Variants in RIGI observed in about 807,000 individuals in gnomAD.
The protein encoded by RIGI is RNA sensor RIG-I, also known as antiviral innate immune response receptor RIG-I.
chr9:32,491,426 T>C, the RIGI span: 1 of 1,594,022 alleles, frequency 6.3e-7, no homozygotes. Context: ...TATACCTTTT[T>C]AAGACCAAAA....
chr9:32,471,483 A>T, the RIGI span, among the ~76,000 whole-genome samples: 1 of 152,204 alleles, frequency 6.6e-6, no homozygotes, highest in Admixed American at 6.5e-5. Flanking sequence ...ATAATGATTA[A>T]AAGGTCCATT....
chr9:32,521,253 T>A, the RIGI span, among the ~76,000 whole-genome samples: 1 of 150,804 alleles, frequency 6.6e-6, no homozygotes, highest in Non-Finnish European at 1.5e-5. Context: ...AAATATACCA[T>A]ACAAAGGTAA....
At chr9:32,458,094 T>G in the RIGI span, among the ~76,000 whole-genome samples, 27 of 152,256 alleles carry the variant, frequency 1.8e-4, no homozygotes, top group Admixed American at 6.5e-4. Context: ...GATGAGAGAT[T>G]TCTGCTTTCT....
At chr9:32,491,390 T>C in the RIGI span, 1 of 1,611,472 alleles carries the variant, frequency 6.2e-7, no homozygotes, top group East Asian at 2.2e-5. Flanking sequence ...CATCTTATCC[T>C]CAAGATCTTC....
At chr9:32,521,464 A>G in the RIGI span, among the ~76,000 whole-genome samples, 1 of 152,168 alleles carries the variant, frequency 6.6e-6, no homozygotes, top group Non-Finnish European at 1.5e-5. Context: ...CTTTTTGGCT[A>G]AATGAATAAC....
the RIGI span, among the ~76,000 whole-genome samples, chr9:32,520,665 T>G: frequency 6.6e-6 from 1 of 152,324 alleles, no homozygotes; most frequent in East Asian, 1.9e-4. Flanking sequence ...TAAAATTAGT[T>G]CAGGGTTTTT....
chr9:32,477,067 G>A, the RIGI span: 3 of 1,614,082 alleles, frequency 1.9e-6, no homozygotes, highest in Non-Finnish European at 2.5e-6. Context: ...TGAAGCAGAG[G>A]TCTTCAAGTT....
the RIGI span, chr9:32,488,903 G>A: frequency 6.3e-7 from 1 of 1,577,636 alleles, no homozygotes; most frequent in African/African-American, 1.4e-5. Flanking sequence ...AACATGTAAG[G>A]AAAAAAGAAA....
the RIGI span, among the ~76,000 whole-genome samples, chr9:32,503,713 C>A: frequency 6.6e-6 from 1 of 152,124 alleles, no homozygotes; most frequent in Non-Finnish European, 1.5e-5. Flanking sequence ...GGTGCCCCTC[C>A]AGAATCATGG....
chr9:32,467,970 A>C, the RIGI span: 7 of 1,509,884 alleles, frequency 4.6e-6, no homozygotes, highest in African/African-American at 2.8e-5. Flanking sequence ...AACTCACCAA[A>C]GAGGGAACTT....
At chr9:32,481,589 T>TC in the RIGI span, 2 of 464,900 alleles carry the variant, frequency 4.3e-6, no homozygotes, top group East Asian at 6.4e-5. Context: ...TTTCTTTTTC[T>TC]TTTTTTTTTT....
At chr9:32,511,612 G>A in the RIGI span, among the ~76,000 whole-genome samples, 2 of 151,694 alleles carry the variant, frequency 1.3e-5, no homozygotes, top group East Asian at 3.9e-4. Flanking sequence ...AGCACTAAAT[G>A]CCCACAGGAG....
the RIGI span, among the ~76,000 whole-genome samples, chr9:32,476,462 A>G: frequency 0.029 from 4,440 of 152,114 alleles, 239 homozygotes; most frequent in African/African-American, 0.1. Flanking sequence ...CCATGACTGC[A>G]CCACTGCATT....
At chr9:32,522,259 C>T in the RIGI span, among the ~76,000 whole-genome samples, 1 of 152,122 alleles carries the variant, frequency 6.6e-6, no homozygotes, top group African/African-American at 2.4e-5. Context: ...TTAAGCTCTT[C>T]ATAACCTTTA....
chr9:32,459,258 C>CATG, the RIGI span: 1 of 1,249,318 alleles, frequency 8.0e-7, no homozygotes, highest in East Asian at 2.4e-5. Flanking sequence ...ATACACAGAT[C>CATG]ATGGCCACAG....
chr9:32,515,173 G>A, the RIGI span, among the ~76,000 whole-genome samples: 15 of 152,016 alleles, frequency 9.9e-5, no homozygotes, highest in African/African-American at 2.4e-4. Context: ...AGGCCAAGGC[G>A]TGCGGACCAC....
At chr9:32,510,835 G>A in the RIGI span, among the ~76,000 whole-genome samples, 1 of 151,906 alleles carries the variant, frequency 6.6e-6, no homozygotes, top group Non-Finnish European at 1.5e-5. Flanking sequence ...GCTGTATTCA[G>A]GAGACCCATC....
the RIGI span, among the ~76,000 whole-genome samples, chr9:32,500,022 C>T: frequency 6.6e-6 from 1 of 152,334 alleles, no homozygotes; most frequent in East Asian, 1.9e-4. Flanking sequence ...TCTAATATAT[C>T]AGGTTTCCAT....
At chr9:32,521,161 A>AAAAAAAAAAAAAAAAAAAAAC in the RIGI span, among the ~76,000 whole-genome samples, 1 of 150,634 alleles carries the variant, frequency 6.6e-6, no homozygotes, top group African/African-American at 2.4e-5. Context: ...AAAAAAAAAA[A>AAAAAAAAAAAAAAAAAAAAAC]ACTTCACAGA....
Sources: allele counts gnomAD v4.1 joint callset (sites outside exome capture counted in the v4.1 genomes callset), GRCh38; gene constraint gnomAD v4.1.1; transcripts MANE v1.5; gene names NCBI Gene and HGNC (gene_info 2026-07-23, HGNC 2026-07-21).